The following ORC5 variants were observed in gnomAD, a reference collection of about 807,000 sequenced individuals.
ORC5 encodes the protein protein phosphatase 1, regulatory subunit 117.
In ORC5, 39 loss-of-function variants were observed where a neutral mutation model predicts 58.8. The observed-to-expected ratio is 0.66, with a 90% CI of 0.51 to 0.87. The LOEUF (loss-of-function observed/expected upper bound fraction) is 0.87. Ranked by LOEUF, ORC5 falls within the 40% of genes least tolerant of loss-of-function variation. The pLI is 0.00. For synonymous variants in ORC5, 218 were observed against 177.6 expected (o/e 1.23, Z -1.81); for missense variants, 493 against 506.3 (o/e 0.97, Z 0.25).
intron 8 of ORC5, among the ~76,000 whole-genome samples, chr7:104,173,450 T>C (rs1799253687): frequency 6.6e-6 from 1 of 152,196 alleles, no homozygotes; most frequent in Non-Finnish European, 1.5e-5. Context: ...GAGTCAGAAG[T>C]GGGACTTGCA....
chr7:104,152,512 C>G lies in ORC5; in HGVS notation c.1149+8560G>C, dbSNP rs150893635. ...TTTTTCTAAATCATTTATCTCCTAT[C>G]TGTTCTTATTAAAACTCTTCTCATT... On this transcript the variant is annotated intron_variant, in intron 12 of 13. Transcript: ENST00000297431. Among the ~76,000 whole-genome samples the G allele has an allele frequency of 5.4e-3, 824 of 152,262 alleles. 8 individuals are homozygous for G. The highest frequency in any genetic ancestry group is 0.019 in the African/African-American group (771 of 41,544).
At chr7:104,143,525 TAATA>T (rs1798707164) in intron 12 of ORC5, among the ~76,000 whole-genome samples, 3 of 152,154 alleles carry the variant, frequency 2.0e-5, no homozygotes, top group Admixed American at 1.3e-4. Flanking sequence ...GCAAAGAATA[TAATA>T]TCACTTCAGC....
In ORC5 at chr7:104,207,863, T is replaced by G. The variant is rs113006555; in HGVS notation, c.42A>C (p.Gln14His). 1.2e-6 allele frequency: 2 copies of G among 1,614,192 alleles called. No individual in the cohort carries two copies. Among genetic ancestry groups the G allele is most frequent in the Admixed American group, 3.3e-5 (2 of 60,030 alleles). ...CAAACAAGGACTGCAAGATGGACAC[T>G]TGAGACTCGCGACAAAGCACCACGT... Reference protein sequence around the residue: ...LENVVLCRESQVSILQSLFGE... With the variant: ...LENVVLCRESHVSILQSLFGE... Residue 14 changes from glutamine (Q) to histidine (H), a missense_variant, in exon 1 of 14, where the codon CAA (glutamine) becomes CAC (histidine). Physicochemically the swap from Gln to His is conservative, Grantham distance 24. Coordinates refer to ENST00000297431, the MANE Select transcript of ORC5 (RefSeq NM_002553.4).
intron 12 of ORC5, among the ~76,000 whole-genome samples, chr7:104,160,180 G>A (rs747482830): frequency 6.6e-6 from 1 of 152,068 alleles, no homozygotes; most frequent in Non-Finnish European, 1.5e-5. Context: ...ATTCAATGTT[G>A]AGAAAATTGA....
intron 5 of ORC5, among the ~76,000 whole-genome samples, chr7:104,188,927 C>T (rs1325693546): frequency 6.6e-6 from 1 of 152,110 alleles, no homozygotes. Flanking sequence ...TTTGCTTCCC[C>T]TTCACCTTCC....
At chr7:104,164,604 T>A (rs1038292288) in intron 11 of ORC5, among the ~76,000 whole-genome samples, 1 of 152,046 alleles carries the variant, frequency 6.6e-6, no homozygotes, top group Non-Finnish European at 1.5e-5. Context: ...ATTTCAAAAT[T>A]CTCCATCTTC....
At chr7:104,152,610 G>A (rs1212914443) in intron 12 of ORC5, among the ~76,000 whole-genome samples, 1 of 152,006 alleles carries the variant, frequency 6.6e-6, no homozygotes, top group Non-Finnish European at 1.5e-5. Context: ...TAGTAGTATG[G>A]AATCTCTTAA....
At chr7:104,163,896 T>C (rs986176172) in intron 11 of ORC5, among the ~76,000 whole-genome samples, 3 of 152,212 alleles carry the variant, frequency 2.0e-5, no homozygotes, top group African/African-American at 7.2e-5. Context: ...ACAGGCAGAC[T>C]CTCGCTCTTC....
chr7:104,127,077 ATT>A (rs77261166), intron 13 of ORC5, among the ~76,000 whole-genome samples, 184 bp from the exon 14 acceptor site: 25 of 143,262 alleles, frequency 1.7e-4, no homozygotes, highest in African/African-American at 1.0e-4. Flanking sequence ...CAATATTTTA[ATT>A]TTTTTTTTTT....
intron 8 of ORC5, 141 bp from the exon 9 acceptor site, chr7:104,168,666 G>GTTTTT: frequency 2.1e-6 from 1 of 478,018 alleles, no homozygotes. Flanking sequence ...CAATAAACAT[G>GTTTTT]TTTGTACCTG....
At chr7:104,166,920 G>A (rs778686150) in intron 9 of ORC5, 36 bp from the exon 10 acceptor site, 4 of 1,177,822 alleles carry the variant, frequency 3.4e-6, no homozygotes, top group Non-Finnish European at 5.0e-6. Context: ...GTACTTATTA[G>A]GCTAACATTG....
intron 8 of ORC5, among the ~76,000 whole-genome samples, chr7:104,172,637 A>G (rs773002891): frequency 2.6e-5 from 4 of 152,226 alleles, no homozygotes; most frequent in East Asian, 1.9e-4. Context: ...GCTTAATCTA[A>G]TATCTATAAG....
chr7:104,184,234 T>C, intron 6 of ORC5, 63 bp from the exon 7 acceptor site: 7 of 1,071,776 alleles, frequency 6.5e-6, no homozygotes, highest in Non-Finnish European at 9.4e-6. Flanking sequence ...TAGAAATTTA[T>C]TTTTCAAGTA....
At chr7:104,184,671 CAAG>C (rs199843901) in intron 6 of ORC5, among the ~76,000 whole-genome samples, 6,772 of 152,154 alleles carry the variant, frequency 0.045, 491 homozygotes, top group African/African-American at 0.15. Context: ...GCTGCAAGCA[CAAG>C]AACAGCCCTG....
intron 11 of ORC5, among the ~76,000 whole-genome samples, chr7:104,161,629 C>T (rs560432105): frequency 1.2e-3 from 178 of 152,290 alleles, no homozygotes; most frequent in Non-Finnish European, 2.2e-3. Context: ...CCACCTTGGC[C>T]TCCCAAAGTG....
intron 12 of ORC5, among the ~76,000 whole-genome samples, chr7:104,155,325 CTA>C (rs1382917724): frequency 1.3e-5 from 2 of 151,484 alleles, no homozygotes; most frequent in African/African-American, 2.4e-5. Context: ...CAAAAACACT[CTA>C]AATTTTTTAT....
chr7:104,173,308 C>G (rs1176543183), intron 8 of ORC5, among the ~76,000 whole-genome samples: 1 of 152,292 alleles, frequency 6.6e-6, no homozygotes, highest in Non-Finnish European at 1.5e-5. Context: ...CTTTAAAAAC[C>G]TTTGCCTCTC....
chr7:104,178,446 G>T (rs1410245495), intron 8 of ORC5, among the ~76,000 whole-genome samples: 1 of 152,108 alleles, frequency 6.6e-6, no homozygotes, highest in Non-Finnish European at 1.5e-5. Context: ...GTTCCTTGTG[G>T]ATTCTGGATA....
chr7:104,203,617 T>C (rs891141327), intron 2 of ORC5, among the ~76,000 whole-genome samples: 6 of 152,200 alleles, frequency 3.9e-5, no homozygotes, highest in African/African-American at 9.7e-5. Flanking sequence ...AAGCACTAAC[T>C]GGTGAATCCA....
Sources: allele counts gnomAD v4.1 joint callset (sites outside exome capture counted in the v4.1 genomes callset), GRCh38; gene constraint gnomAD v4.1.1; transcripts MANE v1.5; gene names NCBI Gene and HGNC (gene_info 2026-07-23, HGNC 2026-07-21).